FAM174B: variants seen among roughly 807,000 people sequenced by gnomAD.
FAM174B encodes family with sequence similarity 174 member B, also known as membrane protein FAM174B.
In FAM174B, 12 loss-of-function variants were observed where a neutral mutation model predicts 10.9. The observed-to-expected ratio is 1.10, with a 90% confidence interval of 0.71 to 1.79. The LOEUF (loss-of-function observed/expected upper bound fraction) is 1.79, where lower values mean the gene tolerates loss of function less well. FAM174B is among the 40% of genes most tolerant of loss of function. FAM174B has a pLI of 0.00. For synonymous variants in FAM174B, 132 were observed against 115.8 expected (o/e 1.14, Z -0.90); for missense variants, 266 against 233.3 (o/e 1.14, Z -0.91).
At position 92,628,537 on chromosome 15, in the gene FAM174B, G is replaced by T. The variant is rs150046452; in HGVS notation, c.476+1677C>A. Among the ~76,000 whole-genome samples, 28 of 152,094 alleles carry T rather than the reference G, an allele frequency of 1.8e-4. No homozygotes were observed. In the East Asian group the frequency reaches 5.4e-3, roughly 29 times the overall value. ...TGCAGATGTGGAACCCTCAGGTACA[G>T]AGGGCCAACTGTGCATTATTTTGTG... On this transcript the variant is annotated intron_variant, in intron 2 of 2. Coordinates refer to ENST00000327355, the MANE Select transcript of FAM174B (RefSeq NM_207446.3).
chr15:92,627,653 A>G (rs991705142), intron 2 of FAM174B, among the ~76,000 whole-genome samples: 1 of 152,184 alleles, frequency 6.6e-6, no homozygotes, highest in Non-Finnish European at 1.5e-5. Flanking sequence ...TCTGTCTATC[A>G]TGCTTCCCAC....
In FAM174B at chr15:92,618,839, TTA is replaced by T. The variant is rs1491312141; in HGVS notation, c.*615_*616del. 1.6e-3 allele frequency: 221 copies of T among 136,604 alleles called. No homozygotes were observed. The highest frequency in any genetic ancestry group is 3.2e-3 in the Admixed American group (43 of 13,366). 8.5% of individuals were successfully genotyped at this position (136,604 alleles called of 1,614,324 possible). A position where few individuals can be genotyped will look rare whatever the true frequency, so the allele number is the denominator to read the frequency against. On this transcript the variant is annotated 3_prime_UTR_variant, in exon 3 of 3. Coordinates refer to ENST00000327355, the MANE Select transcript of FAM174B (RefSeq NM_207446.3). Reference sequence around the variant, plus strand: ...GATTTCTGCTGAACCTTTTTTTTTTTTAAAAAAAAAAAAAAAGGAAGAAAGAA... The same window carrying T: ...GATTTCTGCTGAACCTTTTTTTTTTTAAAAAAAAAAAAAAGGAAGAAAGAA...
At chr15:92,625,701 C>T (rs1320523794) in intron 2 of FAM174B, among the ~76,000 whole-genome samples, 1 of 152,234 alleles carries the variant, frequency 6.6e-6, no homozygotes, top group Admixed American at 6.5e-5. Context: ...TATACTCACA[C>T]ACTCTAGTGG....
Position 92,655,381 on chromosome 15 carries a change from T to C in FAM174B, c.279A>G (p.Ala93=). The C allele has an allele frequency of 6.3e-7, 1 of 1,592,580 alleles. No homozygotes were observed. The highest frequency in any genetic ancestry group is 8.5e-7 in the Non-Finnish European group (1 of 1,170,308). Residue 93 remains alanine, a synonymous_variant, in exon 1 of 3, where the codon GCA becomes GCG. Coordinates refer to ENST00000327355, the MANE Select transcript of FAM174B (RefSeq NM_207446.3). ...TAAAGGCGAACGCCACGATCACGGC[T>C]GCCTTGAGGGTGGGTAGGTCGCGGA... ...ILLRDLPTLK[A]AVIVAFAFTT... is the part of the protein sequence containing the mutation.
At position 92,618,748 on chromosome 15, in the gene FAM174B, A is replaced by G. The variant is rs573264079; in HGVS notation, c.*708T>C. ...CACGTGCACACGCACACACGTGCACACACACACACACACACACGCACAGTT... is the reference window on the plus strand; with the variant it reads ...CACGTGCACACGCACACACGTGCACGCACACACACACACACACGCACAGTT... On this transcript the variant is annotated 3_prime_UTR_variant, in exon 3 of 3. Coordinates refer to ENST00000327355, the MANE Select transcript of FAM174B (RefSeq NM_207446.3). 826 of 157,140 alleles carry G rather than the reference A, an allele frequency of 5.3e-3. 8 individuals are homozygous for G. Among genetic ancestry groups the G allele is most frequent in the African/African-American group, 0.018 (728 of 40,956 alleles). 9.7% of individuals were successfully genotyped at this position (157,140 alleles called of 1,614,324 possible).
intron 1 of FAM174B, among the ~76,000 whole-genome samples, chr15:92,643,498 T>C (rs2141961638): frequency 6.6e-6 from 1 of 152,340 alleles, no homozygotes; most frequent in Middle Eastern, 3.4e-3. Context: ...AGAATACTTT[T>C]TGCTATATGC....
chr15:92,630,758 TA>T (rs200543286), intron 1 of FAM174B, among the ~76,000 whole-genome samples: 1,367 of 7,666 alleles, frequency 0.18, 122 homozygotes, highest in Non-Finnish European at 0.53. Flanking sequence ...TATTATATAA[TA>T]ATATATAATA....
chr15:92,650,988 T>C (rs1202515275), intron 1 of FAM174B, among the ~76,000 whole-genome samples: 1 of 152,186 alleles, frequency 6.6e-6, no homozygotes, highest in Admixed American at 6.5e-5. Context: ...AATGATGAAA[T>C]ACATTTAAAA....
chr15:92,621,944 G>A (rs898233757), intron 2 of FAM174B, among the ~76,000 whole-genome samples: 22 of 152,188 alleles, frequency 1.4e-4, no homozygotes, highest in African/African-American at 4.8e-4. Flanking sequence ...TGAAGGGTGG[G>A]GGCACAGGAA....
chr15:92,653,866 G>C (rs540169072), intron 1 of FAM174B, among the ~76,000 whole-genome samples: 2 of 152,382 alleles, frequency 1.3e-5, no homozygotes, highest in Admixed American at 6.5e-5. Flanking sequence ...GCAGACGGGG[G>C]CCAGCTTGCA....
chr15:92,640,430 TCATC>T (rs1365912034), intron 1 of FAM174B, among the ~76,000 whole-genome samples: 1 of 151,716 alleles, frequency 6.6e-6, no homozygotes, highest in East Asian at 2.0e-4. Flanking sequence ...TGGGCACCTG[TCATC>T]CCAGCTATTC....
At chr15:92,619,519 A>AC (rs1202934274) in intron 2 of FAM174B, 60 bp from the exon 3 acceptor site, 1 of 1,581,610 alleles carries the variant, frequency 6.3e-7, no homozygotes, top group East Asian at 2.2e-5. Context: ...ACCCATTCTG[A>AC]CCCCTCCTGA....
rs999533812 is a variant in FAM174B, at chr15:92,618,741, C to T, written c.*715G>A. 1.3e-4 allele frequency: 16 copies of T among 123,850 alleles called. No homozygotes were observed. The highest frequency in any genetic ancestry group is 3.8e-4 in the Admixed American group (5 of 13,086). The allele number at this position is 123,850 out of a possible 1,614,324, so 7.7% of individuals were successfully genotyped here. The stretch of plus-strand genomic sequence containing the variant: ...TATCACACACGTGCACACGCACACA[C>T]GTGCACACACACACACACACACACG... On this transcript the variant is annotated 3_prime_UTR_variant, in exon 3 of 3. Coordinates refer to ENST00000327355, the MANE Select transcript of FAM174B (RefSeq NM_207446.3).
At chr15:92,627,949 G>C (rs1472212675) in intron 2 of FAM174B, among the ~76,000 whole-genome samples, 1 of 152,140 alleles carries the variant, frequency 6.6e-6, no homozygotes, top group African/African-American at 2.4e-5. Flanking sequence ...GGTATCCTCA[G>C]AGAATTGGTT....
chr15:92,631,386 TATTA>T (rs1410894398), intron 1 of FAM174B, among the ~76,000 whole-genome samples: 1 of 39,520 alleles, frequency 2.5e-5, no homozygotes, highest in African/African-American at 1.5e-4. Context: ...ATATATTATA[TATTA>T]TATATTATAT....
chr15:92,624,491 A>C (rs984486249), intron 2 of FAM174B, among the ~76,000 whole-genome samples: 3 of 152,126 alleles, frequency 2.0e-5, no homozygotes, highest in Admixed American at 6.5e-5. Flanking sequence ...GTCCATGGGG[A>C]CTCAGAGCTC....
At chr15:92,630,390 A>G (rs1025991531) in intron 1 of FAM174B, 45 bp from the exon 2 acceptor site, 4 of 1,563,584 alleles carry the variant, frequency 2.6e-6, no homozygotes, top group Admixed American at 3.7e-5. Flanking sequence ...CTGGGAGAGA[A>G]AGAGTCACTG....
chr15:92,630,357 G>A lies in FAM174B; in HGVS notation c.345-12C>T, dbSNP rs74029163. ...ACCTCTTTCCCGACCTGCAGGAGAAGAAGCACATTCATGAGAACACAGCTG... is the reference window on the plus strand; with the variant it reads ...ACCTCTTTCCCGACCTGCAGGAGAAAAAGCACATTCATGAGAACACAGCTG... On this transcript the variant is annotated splice_polypyrimidine_tract_variant and intron_variant, in intron 1 of 2. Transcript: ENST00000327355. 5,398 of 1,604,394 alleles carry A rather than the reference G, an allele frequency of 3.4e-3. 79 individuals carry two copies. The African/African-American group carries it at 0.042, about 12-fold the overall frequency.
rs942108799 is a variant in FAM174B at position 92,655,587 on chromosome 15, G to A, written c.73C>T (p.Arg25Cys). ...LLALLAAPAA[R>C]ASRAESVSAP... Reference sequence around the variant, plus strand: ...GAGACGGACTCGGCTCTGCTGGCGCGGGCGGCGGGAGCGGCCAGGAGCGCG... The same window carrying A: ...GAGACGGACTCGGCTCTGCTGGCGCAGGCGGCGGGAGCGGCCAGGAGCGCG... Residue 25 changes from arginine (R) to cysteine (C), a missense_variant, in exon 1 of 3, where the codon CGC (arginine) becomes TGC (cysteine). Coordinates refer to ENST00000327355, the MANE Select transcript of FAM174B (RefSeq NM_207446.3). 4.6e-6 allele frequency: 6 copies of A among 1,309,378 alleles called. No individual in the cohort carries two copies. The highest frequency in any genetic ancestry group is 5.8e-6 in the Non-Finnish European group (6 of 1,031,390). The allele number at this position is 1,309,378 out of a possible 1,614,324, so 81.1% of individuals were successfully genotyped here.
Sources: allele counts gnomAD v4.1 joint callset (sites outside exome capture counted in the v4.1 genomes callset), GRCh38; gene constraint gnomAD v4.1.1; transcripts MANE v1.5; gene names NCBI Gene and HGNC (gene_info 2026-07-23, HGNC 2026-07-21).